Variants in SESN1 observed in about 807,000 individuals in gnomAD.
The protein encoded by SESN1 is sestrin 1.
Under a neutral mutation model 59.3 loss-of-function variants are expected in SESN1, and 30 were observed. The observed-to-expected ratio is 0.51, with a 90% CI of 0.38 to 0.69. The LOEUF (loss-of-function observed/expected upper bound fraction) is 0.69, where lower values mean the gene tolerates loss of function less well. SESN1 is among the 30% of genes least tolerant of loss of function. The pLI is 0.00. For missense variants in SESN1, 566 were observed against 673.0 expected, an observed-to-expected ratio of 0.84 and a Z score of 1.76; for synonymous variants, 197 against 219.9, an observed-to-expected ratio of 0.90 and a Z score of 0.92.
chr6:109,052,919 ATC>A (rs1430274136), intron 1 of SESN1, among the ~76,000 whole-genome samples: 1 of 152,186 alleles, frequency 6.6e-6, no homozygotes, highest in Non-Finnish European at 1.5e-5. Flanking sequence ...AGAGCTTATA[ATC>A]TAGTCAAGGG....
At chr6:109,060,991 C>G (rs148396221) in intron 1 of SESN1, among the ~76,000 whole-genome samples, 1 of 152,262 alleles carries the variant, frequency 6.6e-6, no homozygotes, top group African/African-American at 2.4e-5. Context: ...ATGGTTAAAT[C>G]AATACATGTA....
rs569504675 is a variant in SESN1, at chr6:109,044,292, A to G, written c.280-41949T>C. On this transcript the variant is annotated intron_variant, in intron 1 of 9. Transcript: ENST00000436639. ...ACACCACCACACTCCAGCCTAGATG[A>G]CACAGTGAGAACTTGCCTCAAAAAA... Among the ~76,000 whole-genome samples, 88 of 134,984 alleles carry G rather than the reference A, an allele frequency of 6.5e-4. 1 individual carries two copies. Among genetic ancestry groups the G allele is most frequent in the Admixed American group, 1.0e-3 (13 of 12,858 alleles). 88.6% of individuals were successfully genotyped at this position (134,984 alleles called of 152,430 possible). A position where few individuals can be genotyped will look rare whatever the true frequency, so the allele number is the denominator to read the frequency against.
rs969468093 is a variant in SESN1 at position 109,061,803 on chromosome 6, C to CA, written c.279+31991dup. Among the ~76,000 whole-genome samples, 45 of 147,844 alleles carry CA rather than the reference C, an allele frequency of 3.0e-4. No individual in the cohort carries two copies. The South Asian group carries it at 4.5e-3, about 15-fold the overall frequency. ...TGGGCAACAGAGCGAGATCCTGTCTCAAAAAAAAAATTAATTAATCTAACA... is the reference window on the plus strand; with the variant it reads ...TGGGCAACAGAGCGAGATCCTGTCTCAAAAAAAAAAATTAATTAATCTAACA... On this transcript the variant is annotated intron_variant, in intron 1 of 9. Transcript: ENST00000436639.
intron 1 of SESN1, among the ~76,000 whole-genome samples, chr6:109,052,686 G>A (rs1385261324): frequency 6.6e-6 from 1 of 152,184 alleles, no homozygotes; most frequent in Non-Finnish European, 1.5e-5. Context: ...ACTGGCAGTA[G>A]ATTATTCTCT....
chr6:109,055,505 A>T (rs149900122), intron 1 of SESN1, among the ~76,000 whole-genome samples: 2,073 of 151,982 alleles, frequency 0.014, 52 homozygotes, highest in African/African-American at 0.048. Flanking sequence ...TACTAAAAAT[A>T]CCAAAAAATT....
rs756073342 is a variant in SESN1 at position 109,025,728 on chromosome 6, AAATT to A, written c.280-23389_280-23386del. ...TAAACAGCATACTCAGTATAGCTGA[AAATT>A]ATTAGTAAACTAGAAAGTAAATCTG... On this transcript the variant is annotated intron_variant, in intron 1 of 9. Coordinates refer to ENST00000436639, the MANE Select transcript of SESN1 (RefSeq NM_014454.3). Among the ~76,000 whole-genome samples, 10 of 152,236 alleles carry A rather than the reference AAATT, an allele frequency of 6.6e-5. No individual in the cohort carries two copies. The East Asian group carries it at 1.2e-3, about 18-fold the overall frequency.
At chr6:109,033,915 AG>A (rs1161282605) in intron 1 of SESN1, among the ~76,000 whole-genome samples, 1 of 152,244 alleles carries the variant, frequency 6.6e-6, no homozygotes, top group Non-Finnish European at 1.5e-5. Flanking sequence ...AAAGAAGCGG[AG>A]GCAAGGCTCA....
intron 1 of SESN1, among the ~76,000 whole-genome samples, chr6:109,021,285 C>T (rs1780006994): frequency 6.6e-6 from 1 of 152,108 alleles, no homozygotes; most frequent in South Asian, 2.1e-4. Flanking sequence ...GCCGAGCCCA[C>T]CATGTACTTT....
At chr6:109,060,533 TAAAC>T (rs1780714607) in intron 1 of SESN1, among the ~76,000 whole-genome samples, 2 of 152,154 alleles carry the variant, frequency 1.3e-5, no homozygotes, top group African/African-American at 4.8e-5. Flanking sequence ...TAGGTGAAAA[TAAAC>T]AGCAATGACA....
In SESN1 at chr6:109,017,580, C is replaced by T. The variant is rs374671845; in HGVS notation, c.280-15237G>A. On this transcript the variant is annotated intron_variant, in intron 1 of 9. Transcript: ENST00000436639. ...GATTGCAGGTGTGAGCCACCGCGCC[C>T]GGCCCAAATATATGCATTTCTTAAA... 4.7e-4 allele frequency among the ~76,000 whole-genome samples: 71 copies of T among 152,192 alleles called. No individual in the cohort carries two copies. In the East Asian group the frequency reaches 9.5e-3, roughly 20 times the overall value.
At chr6:109,067,360 T>G (rs1266633938) in intron 1 of SESN1, among the ~76,000 whole-genome samples, 1 of 152,178 alleles carries the variant, frequency 6.6e-6, no homozygotes, top group Non-Finnish European at 1.5e-5. Flanking sequence ...TCATCATTAA[T>G]GTGTAGTCAT....
At chr6:109,071,353 C>CTTTTTTT (rs78641650) in intron 1 of SESN1, among the ~76,000 whole-genome samples, 2 of 136,634 alleles carry the variant, frequency 1.5e-5, no homozygotes, top group African/African-American at 5.3e-5. Flanking sequence ...GTTTTTGTTT[C>CTTTTTTT]TTTTTTTTTT....
chr6:109,092,644 T>C (rs187513475), intron 1 of SESN1, among the ~76,000 whole-genome samples: 30 of 152,322 alleles, frequency 2.0e-4, no homozygotes, highest in Non-Finnish European at 4.1e-4. Context: ...ATAGTTGATA[T>C]GCATAATGAT....
intron 7 of SESN1, 136 bp downstream of exon 7, chr6:108,992,650 AC>A (rs1175007187): frequency 1.2e-5 from 8 of 666,792 alleles, no homozygotes; most frequent in Admixed American, 2.6e-5. Flanking sequence ...ACAGTCTTTC[AC>A]CTTTTATTCT....
Position 108,987,542 on chromosome 6 carries a change from C to T in SESN1, c.*2G>A. The T allele has an allele frequency of 6.5e-7, 1 of 1,537,728 alleles. No individual in the cohort carries two copies. Among genetic ancestry groups the T allele is most frequent in the Non-Finnish European group, 9.0e-7 (1 of 1,111,568 alleles). On this transcript the variant is annotated 3_prime_UTR_variant, in exon 10 of 10. Transcript: ENST00000436639. ...AGAATCATCTTTAATGAAGGAAAGG[C>T]ATCAGGTCATATAGCGGGTAATGGC...
At chr6:109,028,574 G>A (rs748510895) in intron 1 of SESN1, among the ~76,000 whole-genome samples, 30 of 152,054 alleles carry the variant, frequency 2.0e-4, no homozygotes, top group Non-Finnish European at 4.1e-4. Flanking sequence ...CCTTTCTTCC[G>A]GGCAATACTA....
intron 8 of SESN1, among the ~76,000 whole-genome samples, chr6:108,989,003 G>A (rs1391475656): frequency 6.6e-6 from 1 of 152,140 alleles, no homozygotes; most frequent in East Asian, 1.9e-4. Context: ...TAGCCACACT[G>A]AGGAACAAAC....
chr6:109,026,557 C>T (rs575004712), intron 1 of SESN1, among the ~76,000 whole-genome samples: 244 of 152,064 alleles, frequency 1.6e-3, no homozygotes, highest in African/African-American at 5.1e-3. Flanking sequence ...AGTGCAGTGG[C>T]GCAATCTCGG....
intron 1 of SESN1, among the ~76,000 whole-genome samples, chr6:109,007,100 T>C (rs1779748003): frequency 6.6e-6 from 1 of 152,190 alleles, no homozygotes; most frequent in Non-Finnish European, 1.5e-5. Flanking sequence ...TAACCATCTT[T>C]GAAAGAGACA....
Sources: gnomAD v4.1 joint callset for allele counts (sites outside exome capture counted in the v4.1 genomes callset) on GRCh38, gnomAD v4.1.1 for gene constraint, MANE v1.5 for transcripts, NCBI Gene and HGNC (gene_info 2026-07-23, HGNC 2026-07-21) for gene names.